The following LEF1 variants were observed in gnomAD, a reference collection of about 807,000 sequenced individuals.
LEF1 encodes lymphoid enhancer binding factor 1, also known as lymphoid enhancer-binding factor 1.
A neutral mutation model predicts 51.2 loss-of-function variants in LEF1; 14 were observed. The observed-to-expected ratio is 0.27, with a 90% CI of 0.18 to 0.43. The LOEUF (loss-of-function observed/expected upper bound fraction) is 0.43, where lower values mean the gene tolerates loss of function less well. LEF1 is among the 20% of genes least tolerant of loss of function. The pLI is 1.00. For synonymous variants in LEF1, 185 were observed against 183.2 expected, an observed-to-expected ratio of 1.01 and a Z score of -0.08; for missense variants, 386 against 512.0, an observed-to-expected ratio of 0.75 and a Z score of 2.37.
At chr4:108,140,635 T>C (rs1743586554) in intron 3 of LEF1, among the ~76,000 whole-genome samples, 1 of 152,158 alleles carries the variant, frequency 6.6e-6, no homozygotes, top group Non-Finnish European at 1.5e-5. Flanking sequence ...TCATCTTATT[T>C]TGACTTTCCC....
intron 3 of LEF1, among the ~76,000 whole-genome samples, chr4:108,150,290 G>A (rs1160284915): frequency 6.6e-6 from 1 of 152,112 alleles, no homozygotes; most frequent in Non-Finnish European, 1.5e-5. Flanking sequence ...AAGATTCTAA[G>A]AATAATGAAA....
chr4:108,134,233 A>G (rs934384526), intron 3 of LEF1, among the ~76,000 whole-genome samples: 2 of 152,054 alleles, frequency 1.3e-5, no homozygotes, highest in African/African-American at 4.8e-5. Context: ...AACTGTGGAC[A>G]TATATTATTT....
chr4:108,070,450 T>A (rs1738393146), intron 9 of LEF1: 1 of 370,602 alleles, frequency 2.7e-6, no homozygotes, highest in East Asian at 4.0e-5. Context: ...AAATTTTATT[T>A]AAAAGCATTC....
At chr4:108,153,982 C>G (rs1182770018) in intron 3 of LEF1, among the ~76,000 whole-genome samples, 2 of 152,166 alleles carry the variant, frequency 1.3e-5, no homozygotes, top group Admixed American at 1.3e-4. Context: ...AGAAAGAAGT[C>G]TAAAAGGCCA....
At chr4:108,099,570 GTATATA>G (rs551521155) in intron 3 of LEF1, among the ~76,000 whole-genome samples, 1,911 of 69,996 alleles carry the variant, frequency 0.027, 82 homozygotes, top group Admixed American at 0.088. Context: ...GTGTGTGTGT[GTATATA>G]TATATATATA....
At chr4:108,161,325 A>G (rs1402633188) in intron 3 of LEF1, among the ~76,000 whole-genome samples, 4 of 152,258 alleles carry the variant, frequency 2.6e-5, no homozygotes, top group Non-Finnish European at 5.9e-5. Flanking sequence ...ACTGCAGAAT[A>G]TCTCAAGAAA....
chr4:108,093,766 AAAAG>A (rs1356599090), intron 3 of LEF1, among the ~76,000 whole-genome samples: 3 of 152,320 alleles, frequency 2.0e-5, no homozygotes, highest in East Asian at 3.9e-4. Context: ...AAAAAGAAAA[AAAAG>A]AAAGAAAGAA....
chr4:108,058,036 G>A (rs1737422092), intron 11 of LEF1, among the ~76,000 whole-genome samples: 1 of 151,924 alleles, frequency 6.6e-6, no homozygotes. Flanking sequence ...ACCACACCTG[G>A]CTAATTTTTT....
intron 1 of LEF1, 110 bp from the exon 2 acceptor site, chr4:108,165,273 CAACTCTGT>C: frequency 1.0e-6 from 1 of 974,168 alleles, no homozygotes; most frequent in Non-Finnish European, 1.7e-6. Flanking sequence ...GGTTTAGGGG[CAACTCTGT>C]TTTATACTCT....
chr4:108,127,408 A>C (rs970919600), intron 3 of LEF1, among the ~76,000 whole-genome samples: 3 of 152,226 alleles, frequency 2.0e-5, no homozygotes, highest in Admixed American at 2.0e-4. Context: ...TATATCACTG[A>C]AGCTGAATCT....
intron 3 of LEF1, among the ~76,000 whole-genome samples, chr4:108,151,059 G>A (rs544430676): frequency 8.0e-4 from 122 of 152,120 alleles, no homozygotes; most frequent in Non-Finnish European, 1.8e-4. Context: ...TCCAGATCTT[G>A]GTTAATTTTG....
Position 108,167,541 on chromosome 4 carries a change from A to G in LEF1, c.213+14T>C, listed in dbSNP as rs549223605. The G allele has an allele frequency of 5.0e-6, 8 of 1,613,306 alleles. 1 individual carries two copies. The South Asian group carries it at 7.7e-5, about 16-fold the overall frequency. ...CCGCCACGCCTCTCGGAACTGGGGCAGCGGCCCGCTCACCTCGTGTCCGTT... is the reference window on the plus strand; with the variant it reads ...CCGCCACGCCTCTCGGAACTGGGGCGGCGGCCCGCTCACCTCGTGTCCGTT... On this transcript the variant is annotated intron_variant, in intron 1 of 11. Transcript: ENST00000265165. The surrounding 1 kb of genome is among the most constrained non-coding windows in gnomAD (Gnocchi z 5.7).
intron 3 of LEF1, among the ~76,000 whole-genome samples, chr4:108,093,009 G>C (rs1466611381): frequency 1.3e-5 from 2 of 151,112 alleles, no homozygotes; most frequent in Non-Finnish European, 2.9e-5. Context: ...CCTGGTGATA[G>C]GAGAAAGTGT....
At chr4:108,137,088 T>C (rs551065235) in intron 3 of LEF1, among the ~76,000 whole-genome samples, 43 of 152,350 alleles carry the variant, frequency 2.8e-4, no homozygotes, top group African/African-American at 9.9e-4. Flanking sequence ...ATAAGTATTG[T>C]AATTATTCTT....
intron 3 of LEF1, among the ~76,000 whole-genome samples, chr4:108,096,325 T>G (rs1740390121): frequency 6.6e-6 from 1 of 152,076 alleles, no homozygotes; most frequent in African/African-American, 2.4e-5. Context: ...CTAGCTGTAG[T>G]GGTGCAAGGA....
rs1026642225 is a variant in LEF1 at position 108,151,924 on chromosome 4, TCCA to T, written c.414+11641_414+11643del. Among the ~76,000 whole-genome samples the T allele has an allele frequency of 6.6e-5, 10 of 152,312 alleles. No homozygotes were observed. The East Asian group carries it at 1.3e-3, about 21-fold the overall frequency. On this transcript the variant is annotated intron_variant, in intron 3 of 11. Transcript: ENST00000265165. Reference sequence around the variant, plus strand: ...GTTTTAAAATTTCTGTTCTGTTTATTCCACAAACATCTGGTGAGTAACCTGCTC... The same window carrying T: ...GTTTTAAAATTTCTGTTCTGTTTATTCAAACATCTGGTGAGTAACCTGCTC...
At chr4:108,106,513 T>C (rs1330537260) in intron 3 of LEF1, among the ~76,000 whole-genome samples, 3 of 152,146 alleles carry the variant, frequency 2.0e-5, no homozygotes, top group Non-Finnish European at 2.9e-5. Context: ...GGCTTCATTT[T>C]CAGTGTCCAG....
intron 3 of LEF1, among the ~76,000 whole-genome samples, chr4:108,126,337 T>C (rs1742525636): frequency 4.6e-5 from 7 of 152,182 alleles, no homozygotes; most frequent in Admixed American, 4.6e-4. Context: ...CAGAATTTGA[T>C]CTTCTTGTGT....
At chr4:108,086,829 T>TACACACACACACAC (rs139231288) in intron 4 of LEF1, among the ~76,000 whole-genome samples, 3,862 of 149,374 alleles carry the variant, frequency 0.026, 150 homozygotes, top group African/African-American at 0.08. Context: ...CACACACACT[T>TACACACACACACAC]ACACACACAC....
Sources: allele counts gnomAD v4.1 joint callset (sites outside exome capture counted in the v4.1 genomes callset), GRCh38; gene constraint gnomAD v4.1.1; non-coding constraint Gnocchi (gnomAD v3.1); transcripts MANE v1.5; gene names NCBI Gene and HGNC (gene_info 2026-07-23, HGNC 2026-07-21).